ATF3: variants seen among roughly 807,000 people sequenced by gnomAD.
ATF3 encodes the protein cyclic AMP-dependent transcription factor ATF-3.
ATF3 carries 10 observed loss-of-function variants against 18.4 expected under a neutral mutation model. The observed-to-expected ratio is 0.54, with a 90% confidence interval of 0.34 to 0.92. ATF3 has a LOEUF of 0.92. Among genes scored for constraint, ATF3 ranks in the 40% least tolerant of loss-of-function variants. ATF3 has a pLI of 0.02. For missense variants in ATF3, 183 were observed against 222.3 expected (o/e 0.82, Z 1.12); for synonymous variants, 78 against 87.9 (o/e 0.89, Z 0.63).
At chr1:212,604,756 CA>C (rs1173422653), upstream of ATF3, among the ~76,000 whole-genome samples, 1 of 152,172 alleles carries the variant, frequency 6.6e-6, no homozygotes, top group Non-Finnish European at 1.5e-5. Context: ...CAAGGCTCCT[CA>C]CTTCAGAAAA....
At chr1:212,608,102 G>A (rs1033940081), upstream of ATF3, among the ~76,000 whole-genome samples, 1 of 152,202 alleles carries the variant, frequency 6.6e-6, no homozygotes, top group Non-Finnish European at 1.5e-5. Flanking sequence ...GTCACACCCG[G>A]CGGGTAACGG....
chr1:212,588,268 C>T (rs913154494), intron 1 of ATF3, among the ~76,000 whole-genome samples: 1 of 152,058 alleles, frequency 6.6e-6, no homozygotes. Context: ...TCTCCACTCC[C>T]CACCCTGCTC....
intron 1 of ATF3, among the ~76,000 whole-genome samples, chr1:212,596,929 T>A (rs72756369): frequency 0.044 from 6,644 of 152,366 alleles, 173 homozygotes; most frequent in South Asian, 0.058. Context: ...GGAGCCTCTT[T>A]CTGTCTTGTT....
At chr1:212,617,996 T>C (rs1403761944) in intron 2 of ATF3, 131 bp from the exon 3 acceptor site, 4 of 789,978 alleles carry the variant, frequency 5.1e-6, no homozygotes, top group Admixed American at 4.6e-5. Context: ...TCTAGAGCTT[T>C]AGTATTTCGG....
At chr1:212,590,684 G>T (rs1394834695) in intron 1 of ATF3, among the ~76,000 whole-genome samples, 2 of 152,178 alleles carry the variant, frequency 1.3e-5, no homozygotes, top group Non-Finnish European at 2.9e-5. Flanking sequence ...CATAAATGCG[G>T]ATACTCATTT....
At chr1:212,582,775 G>A (rs1664707952) in intron 1 of ATF3, among the ~76,000 whole-genome samples, 2 of 152,154 alleles carry the variant, frequency 1.3e-5, no homozygotes, top group African/African-American at 4.8e-5. Flanking sequence ...CTGCACTTAG[G>A]AGAAAGGAGG....
At chr1:212,596,762 G>A (rs904525235) in intron 1 of ATF3, among the ~76,000 whole-genome samples, 2 of 152,270 alleles carry the variant, frequency 1.3e-5, no homozygotes, top group Non-Finnish European at 2.9e-5. Context: ...TTAACAGTCA[G>A]TGTTTTGTTC....
chr1:212,613,178 T>C (rs1415933032), intron 1 of ATF3, among the ~76,000 whole-genome samples: 1 of 152,222 alleles, frequency 6.6e-6, no homozygotes, highest in Non-Finnish European at 1.5e-5. Flanking sequence ...AGCCTGGGTA[T>C]GCACCGTGAC....
In ATF3 at chr1:212,619,745, C is replaced by A. The variant is rs560689526; in HGVS notation, c.*190C>A. 1.5e-6 allele frequency: 1 copy of A among 676,992 alleles called. No homozygotes were observed. Among genetic ancestry groups the A allele is most frequent in the African/African-American group, 1.8e-5 (1 of 54,952 alleles). 41.9% of individuals were successfully genotyped at this position (676,992 alleles called of 1,614,324 possible). The stretch of plus-strand genomic sequence containing the variant: ...TTCTGCCCCAGAGTGGGTCTTGGAC[C>A]AGGGCAAGTGCATCTTTGCCTCAAC... On this transcript the variant is annotated 3_prime_UTR_variant, in exon 4 of 4. Coordinates refer to ENST00000341491, the MANE Select transcript of ATF3 (RefSeq NM_001674.4). The surrounding 1 kb of genome is among the most constrained non-coding windows in gnomAD (Gnocchi z 4.4).
intron 1 of ATF3, among the ~76,000 whole-genome samples, chr1:212,570,454 G>T (rs1340759638): frequency 6.6e-6 from 1 of 151,918 alleles, no homozygotes; most frequent in Non-Finnish European, 1.5e-5. Context: ...AAACTCAAAG[G>T]GTATGACTTT....
At chr1:212,608,435 A>T (rs1229306091), upstream of ATF3, among the ~76,000 whole-genome samples, 1 of 152,080 alleles carries the variant, frequency 6.6e-6, no homozygotes, top group Non-Finnish European at 1.5e-5. Context: ...CGCAGCAGCG[A>T]GTACGCACAT....
chr1:212,609,049 C>T (rs949489416), intron 1 of ATF3, 119 bp downstream of exon 1: 1 of 152,340 alleles, frequency 6.6e-6, no homozygotes, highest in East Asian at 1.9e-4. Flanking sequence ...GCGCCCCCAG[C>T]CTCCGGCTTG....
At chr1:212,580,448 A>G (rs1664663510) in intron 1 of ATF3, among the ~76,000 whole-genome samples, 1 of 151,772 alleles carries the variant, frequency 6.6e-6, no homozygotes, top group African/African-American at 2.4e-5. Flanking sequence ...CTGAGTAGGT[A>G]GCACTACAGG....
intron 1 of ATF3, among the ~76,000 whole-genome samples, chr1:212,565,895 A>T (rs991196190): frequency 6.6e-6 from 1 of 152,164 alleles, no homozygotes; most frequent in East Asian, 1.9e-4. Flanking sequence ...CATAATGGGA[A>T]GCCATTGGAG....
intron 1 of ATF3, among the ~76,000 whole-genome samples, chr1:212,573,814 T>G (rs562147918): frequency 1.3e-5 from 2 of 152,054 alleles, no homozygotes; most frequent in Admixed American, 1.3e-4. Context: ...ATTTTCAGAC[T>G]ATTCATTTCA....
At chr1:212,591,466 A>T (rs1437576463) in intron 1 of ATF3, among the ~76,000 whole-genome samples, 1 of 152,196 alleles carries the variant, frequency 6.6e-6, no homozygotes, top group Non-Finnish European at 1.5e-5. Context: ...AGAGGTCAGG[A>T]TGTAGTTTTG....
upstream of ATF3, among the ~76,000 whole-genome samples, chr1:212,605,255 A>AC (rs1654587963): frequency 6.6e-6 from 1 of 152,224 alleles, no homozygotes; most frequent in South Asian, 2.1e-4. Context: ...TCCAGAATCC[A>AC]AGTGCCTTCC....
At chr1:212,578,571 A>G (rs1212528095) in intron 1 of ATF3, among the ~76,000 whole-genome samples, 1 of 152,162 alleles carries the variant, frequency 6.6e-6, no homozygotes, top group Non-Finnish European at 1.5e-5. Flanking sequence ...TGTTTATACT[A>G]ATCATTTCTG....
intron 1 of ATF3, among the ~76,000 whole-genome samples, chr1:212,570,702 T>C (rs1664464951): frequency 6.6e-6 from 1 of 152,210 alleles, no homozygotes. Context: ...GACCTTTATA[T>C]GGAATGGAGT....
Sources: gnomAD v4.1 joint callset for allele counts (sites outside exome capture counted in the v4.1 genomes callset) on GRCh38, gnomAD v4.1.1 for gene constraint, Gnocchi (gnomAD v3.1) non-coding constraint, MANE v1.5 for transcripts, NCBI Gene and HGNC (gene_info 2026-07-23, HGNC 2026-07-21) for gene names.